EPHX4: variants seen among roughly 807,000 people sequenced by gnomAD.
EPHX4 encodes the protein abhydrolase domain containing 7.
In EPHX4, 31 loss-of-function variants were observed where a neutral mutation model predicts 44.9. That is an observed-to-expected ratio of 0.69 (90% CI 0.52 to 0.93). EPHX4 has a LOEUF of 0.93. EPHX4 is among the 40% of genes least tolerant of loss of function. EPHX4 has a pLI of 0.00. For missense variants in EPHX4, 373 were observed against 438.1 expected (o/e 0.85, Z 1.33); for synonymous variants, 151 against 159.7 (o/e 0.95, Z 0.41).
intron 4 of EPHX4, among the ~76,000 whole-genome samples, chr1:92,048,982 C>T (rs1239572982): frequency 6.6e-6 from 1 of 151,808 alleles, no homozygotes; most frequent in African/African-American, 2.4e-5. Context: ...GGATTACAGG[C>T]ATGAGCCACC....
In EPHX4 at chr1:92,031,207, C is replaced by T. The variant is rs149652938; in HGVS notation, c.231+897C>T. ...TTAAATAGGTTAATATTTATAAAAA[C>T]AAACACGAAAAACTTAGAACAATGC... On this transcript the variant is annotated intron_variant, in intron 1 of 6. Coordinates refer to ENST00000370383, the MANE Select transcript of EPHX4 (RefSeq NM_173567.5). 8.3e-3 allele frequency among the ~76,000 whole-genome samples: 1,264 copies of T among 152,226 alleles called. 20 individuals carry two copies. Among genetic ancestry groups the T allele is most frequent in the African/African-American group, 0.029 (1,199 of 41,536 alleles).
intron 6 of EPHX4, among the ~76,000 whole-genome samples, chr1:92,059,493 C>G (rs1647444121): frequency 1.3e-5 from 2 of 151,782 alleles, no homozygotes; most frequent in Admixed American, 6.6e-5. Context: ...TATATTATGT[C>G]TTAGCCAGCA....
intron 6 of EPHX4, among the ~76,000 whole-genome samples, chr1:92,062,584 C>CA (rs1167530513): frequency 0.042 from 824 of 19,834 alleles, 59 homozygotes; most frequent in Middle Eastern, 0.056. Flanking sequence ...AACTCCATCT[C>CA]AAAAAAAAAA....
chr1:92,060,791 C>T (rs947327725), intron 6 of EPHX4, among the ~76,000 whole-genome samples: 6 of 151,942 alleles, frequency 3.9e-5, no homozygotes, highest in African/African-American at 7.3e-5. Context: ...TTCTGTGCAC[C>T]GATATTGCTA....
intron 2 of EPHX4, among the ~76,000 whole-genome samples, chr1:92,035,583 A>T (rs1688425873): frequency 6.6e-6 from 1 of 152,244 alleles, no homozygotes; most frequent in Non-Finnish European, 1.5e-5. Flanking sequence ...ACATTTTCTA[A>T]GCATTTACTA....
At chr1:92,036,892 C>T (rs1688445762) in intron 2 of EPHX4, among the ~76,000 whole-genome samples, 1 of 151,994 alleles carries the variant, frequency 6.6e-6, no homozygotes, top group African/African-American at 2.4e-5. Context: ...TCCTTTCAAT[C>T]AATCAAATTG....
chr1:92,033,910 C>T (rs1028613234), intron 2 of EPHX4, among the ~76,000 whole-genome samples: 1 of 150,698 alleles, frequency 6.6e-6, no homozygotes, highest in African/African-American at 2.4e-5. Flanking sequence ...ATATTCAGAC[C>T]ATAGCAGTTA....
chr1:92,038,085 A>G (rs1688466200), intron 2 of EPHX4, among the ~76,000 whole-genome samples: 1 of 152,208 alleles, frequency 6.6e-6, no homozygotes, highest in Admixed American at 6.5e-5. Flanking sequence ...ATTTCTTAGA[A>G]TTGTTTAGGA....
At chr1:92,059,474 A>G (rs1259495265) in intron 6 of EPHX4, among the ~76,000 whole-genome samples, 2 of 152,108 alleles carry the variant, frequency 1.3e-5, no homozygotes, top group African/African-American at 2.4e-5. Context: ...AACTGCTTCT[A>G]TTCACCACTA....
rs748465985 is a variant in EPHX4 at position 92,052,643 on chromosome 1, AC to A, written c.844del (p.Arg282GlufsTer14). The stretch of plus-strand genomic sequence containing the variant: ...GCATTAAGTGGCCCAATTAACCATT[AC>A]CGAAATATCTTCAGGTAAGTATAAT... ...PGALSGPINH[Y>X]RNIFSCLPLK... On this transcript the variant is annotated frameshift_variant, in exon 6 of 7. Coordinates refer to ENST00000370383, the MANE Select transcript of EPHX4 (RefSeq NM_173567.5). LOFTEE classifies it high-confidence loss of function. 1 of 1,606,642 alleles carries A rather than the reference AC, an allele frequency of 6.2e-7. No homozygotes were observed. Among genetic ancestry groups the A allele is most frequent in the East Asian group, 2.2e-5 (1 of 44,692 alleles).
intron 3 of EPHX4, among the ~76,000 whole-genome samples, chr1:92,044,955 C>A (rs1301035646): frequency 3.3e-5 from 5 of 151,950 alleles, no homozygotes; most frequent in Admixed American, 6.6e-5. Context: ...TGTACCCCCC[C>A]ACACTTTTTT....
chr1:92,040,954 G>C (rs1036361241), intron 2 of EPHX4, among the ~76,000 whole-genome samples: 1 of 151,316 alleles, frequency 6.6e-6, no homozygotes, highest in Non-Finnish European at 1.5e-5. Flanking sequence ...ATTTTACACT[G>C]TATTTCCATG....
At chr1:92,052,752 C>T (rs776993712) in intron 6 of EPHX4, 94 bp downstream of exon 6, 162 of 1,103,858 alleles carry the variant, frequency 1.5e-4, no homozygotes, top group Non-Finnish European at 1.9e-4. Context: ...ACCACTTATC[C>T]AAAGACTCAA....
intron 2 of EPHX4, among the ~76,000 whole-genome samples, chr1:92,038,805 A>C (rs994752355): frequency 2.6e-5 from 4 of 152,172 alleles, no homozygotes; most frequent in African/African-American, 9.7e-5. Context: ...GCAAAAACCA[A>C]TATCTCTATT....
At chr1:92,055,410 G>T (rs1056217234) in intron 6 of EPHX4, among the ~76,000 whole-genome samples, 1 of 152,166 alleles carries the variant, frequency 6.6e-6, no homozygotes, top group Non-Finnish European at 1.5e-5. Flanking sequence ...TCCAAAGGGA[G>T]TCATGAGATT....
chr1:92,062,558 C>T (rs1313696881), intron 6 of EPHX4, among the ~76,000 whole-genome samples: 17 of 131,040 alleles, frequency 1.3e-4, no homozygotes, highest in Non-Finnish European at 1.5e-5. Context: ...GCACTCCAGC[C>T]TGGGTGACAG....
intron 6 of EPHX4, 83 bp downstream of exon 6, chr1:92,052,741 C>T: frequency 8.2e-7 from 1 of 1,222,634 alleles, no homozygotes; most frequent in Non-Finnish European, 1.1e-6. Flanking sequence ...AGGTTAAGTT[C>T]ACCACTTATC....
Position 92,030,350 on chromosome 1 carries a change from G to A in EPHX4, c.231+40G>A. 6 of 1,450,020 alleles carry A rather than the reference G, an allele frequency of 4.1e-6. No homozygotes were observed. The South Asian group carries it at 8.5e-5, about 21-fold the overall frequency. The allele number at this position is 1,450,020 out of a possible 1,614,324, so 89.8% of individuals were successfully genotyped here. ...GGGCCTGGCGGGAGCGGGAGGGAGC[G>A]TGACCGCCGCGAGGGTGGGGGGCTC... On this transcript the variant is annotated intron_variant, in intron 1 of 6. Transcript: ENST00000370383.
chr1:92,032,666 C>T, intron 2 of EPHX4, 76 bp downstream of exon 2: 1 of 1,131,740 alleles, frequency 8.8e-7, no homozygotes, highest in Non-Finnish European at 1.3e-6. Flanking sequence ...GCTGCTGTAA[C>T]AGAATATCAC....
Sources: gnomAD v4.1 joint callset for allele counts (sites outside exome capture counted in the v4.1 genomes callset) on GRCh38, gnomAD v4.1.1 for gene constraint, MANE v1.5 for transcripts, NCBI Gene and HGNC (gene_info 2026-07-23, HGNC 2026-07-21) for gene names.